Variants in CNOT2 observed in about 807,000 individuals in gnomAD.
CNOT2 encodes CCR4-NOT transcription complex subunit 2, also known as CC chemokine receptor 4-negative regulator of transcription 2.
In CNOT2, 7 loss-of-function variants were observed where a neutral mutation model predicts 72.1. The ratio of observed to expected loss-of-function variants is 0.10; its 90% CI spans 0.06 to 0.18. CNOT2 has a LOEUF of 0.18. Among genes scored for constraint, CNOT2 ranks in the 10% least tolerant of loss-of-function variants. CNOT2 has a pLI of 1.00. For missense variants in CNOT2, 345 were observed against 660.3 expected (o/e 0.52, Z 5.23); for synonymous variants, 196 against 225.6 (o/e 0.87, Z 1.17).
intron 1 of CNOT2, among the ~76,000 whole-genome samples, chr12:70,264,353 C>T (rs1331365236): frequency 2.6e-5 from 4 of 152,140 alleles, no homozygotes; most frequent in African/African-American, 9.7e-5. Context: ...TAGGCTTGAA[C>T]TTCTCTACAC....
chr12:70,353,699 A>C, intron 15 of CNOT2, 130 bp from the exon 16 acceptor site: 1 of 1,416,574 alleles, frequency 7.1e-7, no homozygotes, highest in Non-Finnish European at 9.4e-7. Context: ...GAGGAAAAAC[A>C]GTTGGTATAT....
rs1019056412 is a variant in CNOT2 at position 70,294,359 on chromosome 12, G to A, written c.48+16085G>A. On this transcript the variant is annotated intron_variant, in intron 2 of 15. Coordinates refer to ENST00000229195, the MANE Select transcript of CNOT2 (RefSeq NM_014515.7). Reference sequence around the variant, plus strand: ...TGTCATCAGTATTTTGAGGGTGGATGTTGGGCCATTTTATCAATGAGTCAT... The same window carrying A: ...TGTCATCAGTATTTTGAGGGTGGATATTGGGCCATTTTATCAATGAGTCAT... 1.1e-5 allele frequency: 13 copies of A among 1,132,272 alleles called. No homozygotes were observed. The African/African-American group carries it at 1.4e-4, about 13-fold the overall frequency. The allele number at this position is 1,132,272 out of a possible 1,614,324, so 70.1% of individuals were successfully genotyped here. A position where few individuals can be genotyped will look rare whatever the true frequency, so the allele number is the denominator to read the frequency against.
In CNOT2 at chr12:70,278,139, CGTG is replaced by C; in HGVS notation, c.-83_-81del. The stretch of plus-strand genomic sequence containing the variant: ...TGGATAATTCCACTCTAGAGGGAGA[CGTG>C]GTGGGCGGTCCTTCCTGTGACACGA... On this transcript the variant is annotated 5_prime_UTR_variant, in exon 2 of 16. Transcript: ENST00000229195. 1 of 819,662 alleles carries C rather than the reference CGTG, an allele frequency of 1.2e-6. No individual in the cohort carries two copies. The highest frequency in any genetic ancestry group is 2.8e-5 in the East Asian group (1 of 35,810). 50.8% of individuals were successfully genotyped at this position (819,662 alleles called of 1,614,324 possible).
intron 8 of CNOT2, chr12:70,337,143 C>A: frequency 3.8e-6 from 1 of 260,700 alleles, no homozygotes; most frequent in Non-Finnish European, 7.3e-6. Flanking sequence ...AATTTTTAAG[C>A]ACCTACGCAT....
chr12:70,341,569 A>G (rs573206040), intron 11 of CNOT2, among the ~76,000 whole-genome samples: 45 of 152,176 alleles, frequency 3.0e-4, no homozygotes, highest in African/African-American at 1.0e-3. Context: ...CCAATCCACC[A>G]TCCTCAACCA....
intron 2 of CNOT2, among the ~76,000 whole-genome samples, chr12:70,295,369 G>GT (rs1872649215): frequency 6.6e-6 from 1 of 152,004 alleles, no homozygotes; most frequent in Non-Finnish European, 1.5e-5. Context: ...TTTTTCTTGA[G>GT]TTTTTTAGAT....
intron 1 of CNOT2, among the ~76,000 whole-genome samples, chr12:70,256,582 T>TA (rs372870920): frequency 0.37 from 40,198 of 108,212 alleles, 7,088 homozygotes; most frequent in Middle Eastern, 0.53. Flanking sequence ...GACCTGTGGG[T>TA]AAAAAAAAAA....
At chr12:70,305,320 A>C (rs1039701709) in intron 2 of CNOT2, among the ~76,000 whole-genome samples, 3 of 152,086 alleles carry the variant, frequency 2.0e-5, no homozygotes, top group Non-Finnish European at 2.9e-5. Flanking sequence ...CTCCACCCTC[A>C]TGAGACTTAT....
chr12:70,282,040 C>A (rs1593114802), intron 2 of CNOT2, among the ~76,000 whole-genome samples: 2 of 152,154 alleles, frequency 1.3e-5, no homozygotes, highest in South Asian at 4.2e-4. Flanking sequence ...GGGACCGTAT[C>A]TGTTTATTTT....
chr12:70,335,015 A>G (rs1280135328), intron 7 of CNOT2: 1 of 155,324 alleles, frequency 6.4e-6, no homozygotes, highest in Non-Finnish European at 1.4e-5. Flanking sequence ...TGCAGGAGGC[A>G]CTATCATTGT....
chr12:70,327,329 T>C (rs1223159493), intron 4 of CNOT2, among the ~76,000 whole-genome samples: 2 of 151,750 alleles, frequency 1.3e-5, no homozygotes, highest in Non-Finnish European at 2.9e-5. Flanking sequence ...GGGAAACATA[T>C]TCAAAAGGGA....
chr12:70,258,201 TC>T (rs1311446416), intron 1 of CNOT2, among the ~76,000 whole-genome samples: 2 of 152,124 alleles, frequency 1.3e-5, no homozygotes, highest in African/African-American at 4.8e-5. Context: ...ATTCCATACT[TC>T]CTGGGAAGAA....
Position 70,354,916 on chromosome 12 carries a change from G to T in CNOT2, c.*1001G>T, listed in dbSNP as rs1219411431. 1.3e-5 allele frequency: 2 copies of T among 152,466 alleles called. No individual in the cohort carries two copies. The highest frequency in any genetic ancestry group is 2.9e-5 in the Non-Finnish European group (2 of 67,970). The allele number at this position is 152,466 out of a possible 1,614,324, so 9.4% of individuals were successfully genotyped here. A position where few individuals can be genotyped will look rare whatever the true frequency, so the allele number is the denominator to read the frequency against. Reference sequence around the variant, plus strand: ...TGAACAGCAGCGTTTCATAGGAAGAGAAAAAAAGATCAATCTTGTATTTTC... The same window carrying T: ...TGAACAGCAGCGTTTCATAGGAAGATAAAAAAAGATCAATCTTGTATTTTC... On this transcript the variant is annotated 3_prime_UTR_variant, in exon 16 of 16. Transcript: ENST00000229195.
At chr12:70,352,562 A>G (rs1414437546) in intron 15 of CNOT2, among the ~76,000 whole-genome samples, 1 of 152,240 alleles carries the variant, frequency 6.6e-6, no homozygotes, top group Admixed American at 6.5e-5. Flanking sequence ...AACCAGACAG[A>G]TAAGGTAAAA....
chr12:70,347,408 G>GGATCATGA (rs1474984093), intron 15 of CNOT2, among the ~76,000 whole-genome samples: 1 of 151,960 alleles, frequency 6.6e-6, no homozygotes, highest in Non-Finnish European at 1.5e-5. Context: ...TGAGGTGGGT[G>GGATCATGA]GATCATGAGA....
Position 70,243,437 on chromosome 12 carries a change from G to A in CNOT2, c.-139G>A, listed in dbSNP as rs1957664297. On this transcript the variant is annotated 5_prime_UTR_variant, in exon 1 of 16. Transcript: ENST00000229195. ...CTTGCTCCCAGCAGCCTCCGCGGTG[G>A]ATACGTCGCCATCTTGGATCCGCGG... 6.6e-6 allele frequency: 1 copy of A among 152,572 alleles called. No individual in the cohort carries two copies. Among genetic ancestry groups the A allele is most frequent in the South Asian group, 2.1e-4 (1 of 4,832 alleles). 9.5% of individuals were successfully genotyped at this position (152,572 alleles called of 1,614,324 possible).
intron 1 of CNOT2, among the ~76,000 whole-genome samples, chr12:70,268,060 T>C (rs1959136949): frequency 1.3e-5 from 2 of 152,208 alleles, no homozygotes; most frequent in Admixed American, 6.5e-5. Flanking sequence ...ATATTTTCCA[T>C]TTTTTTCCCA....
At chr12:70,272,829 C>G (rs913204030) in intron 1 of CNOT2, among the ~76,000 whole-genome samples, 1 of 152,124 alleles carries the variant, frequency 6.6e-6, no homozygotes, top group Non-Finnish European at 1.5e-5. Context: ...TATGCTCACC[C>G]GATAACTTCA....
At chr12:70,291,422 T>C (rs1049208643) in intron 2 of CNOT2, among the ~76,000 whole-genome samples, 6 of 152,220 alleles carry the variant, frequency 3.9e-5, no homozygotes, top group African/African-American at 1.4e-4. Flanking sequence ...AAGGCACTTT[T>C]CTAAAGGCAC....
Sources: allele counts gnomAD v4.1 joint callset (sites outside exome capture counted in the v4.1 genomes callset), GRCh38; gene constraint gnomAD v4.1.1; transcripts MANE v1.5; gene names NCBI Gene and HGNC (gene_info 2026-07-23, HGNC 2026-07-21).